The following NEK7 variants were observed in gnomAD, a reference collection of about 807,000 sequenced individuals.
NEK7 encodes the protein NIMA related kinase 7, also known as serine/threonine-protein kinase Nek7.
In NEK7, 18 loss-of-function variants were observed where a neutral mutation model predicts 44.6. The ratio of observed to expected loss-of-function variants is 0.40; its 90% CI spans 0.28 to 0.60. NEK7 has a LOEUF of 0.60. NEK7 is among the 20% of genes least tolerant of loss of function. The pLI is 0.38. For synonymous variants in NEK7, 130 were observed against 121.1 expected (o/e 1.07, Z -0.48); for missense variants, 256 against 366.5 (o/e 0.70, Z 2.46).
intron 9 of NEK7, among the ~76,000 whole-genome samples, chr1:198,311,702 GT>G (rs1655189227): frequency 6.6e-6 from 1 of 152,106 alleles, no homozygotes; most frequent in Non-Finnish European, 1.5e-5. Flanking sequence ...TAATCATGTG[GT>G]TTTTCTGTTT....
chr1:198,262,898 A>G (rs994805857), intron 4 of NEK7, among the ~76,000 whole-genome samples: 2 of 151,822 alleles, frequency 1.3e-5, no homozygotes, highest in African/African-American at 2.4e-5. Context: ...GGCATAAAAC[A>G]TTGAAGAATT....
chr1:198,289,819 T>C (rs1348802090), intron 7 of NEK7, among the ~76,000 whole-genome samples: 1 of 152,218 alleles, frequency 6.6e-6, no homozygotes, highest in East Asian at 1.9e-4. Flanking sequence ...GCAGAACTTC[T>C]AAATATCAGT....
chr1:198,306,461 G>T (rs369599725), intron 9 of NEK7, among the ~76,000 whole-genome samples: 1 of 151,994 alleles, frequency 6.6e-6, no homozygotes, highest in East Asian at 1.9e-4. Flanking sequence ...TTGTAAAAAT[G>T]GGTTTTTCTC....
In NEK7 at chr1:198,303,568, T is replaced by G. The variant is rs563340738; in HGVS notation, c.798+6328T>G. The stretch of plus-strand genomic sequence containing the variant: ...GTTAAATTAAGTTTATAAAACTTTT[T>G]TATTCATTTGAGCAGTCCAAATATT... On this transcript the variant is annotated intron_variant, in intron 9 of 9. Transcript: ENST00000367385. Among the ~76,000 whole-genome samples the G allele has an allele frequency of 3.3e-5, 5 of 152,258 alleles. No individual in the cohort carries two copies. In the East Asian group the frequency reaches 9.6e-4, roughly 29 times the overall value.
chr1:198,319,196 G>A (rs1013763028), intron 9 of NEK7, among the ~76,000 whole-genome samples: 4 of 152,136 alleles, frequency 2.6e-5, no homozygotes, highest in African/African-American at 9.7e-5. Flanking sequence ...CTTCTTGGTT[G>A]ACATTAATAC....
intron 1 of NEK7, among the ~76,000 whole-genome samples, chr1:198,203,415 G>A (rs1665496484): frequency 6.6e-6 from 1 of 152,168 alleles, no homozygotes. Flanking sequence ...TGCACCCCCA[G>A]GTACAGGAAT....
intron 2 of NEK7, among the ~76,000 whole-genome samples, chr1:198,251,607 G>T (rs534395198): frequency 1.3e-5 from 2 of 151,728 alleles, no homozygotes; most frequent in Non-Finnish European, 2.9e-5. Context: ...GTCTTGGGAG[G>T]GTGTATGTGT....
chr1:198,241,182 T>G (rs1666674693), intron 2 of NEK7, among the ~76,000 whole-genome samples: 1 of 152,234 alleles, frequency 6.6e-6, no homozygotes, highest in Non-Finnish European at 1.5e-5. Context: ...GGTATTTACA[T>G]TTAGGATACC....
intron 1 of NEK7, among the ~76,000 whole-genome samples, chr1:198,174,737 T>G (rs553110556): frequency 6.4e-4 from 97 of 150,618 alleles, no homozygotes; most frequent in African/African-American, 1.8e-3. Context: ...AAGCATTGTG[T>G]TTTTTTTTGT....
At chr1:198,185,190 ATTTTTTT>A (rs919588030) in intron 1 of NEK7, among the ~76,000 whole-genome samples, 8 of 83,844 alleles carry the variant, frequency 9.5e-5, no homozygotes, top group South Asian at 3.9e-4. Flanking sequence ...CATGCTGTCT[ATTTTTTT>A]TTTTTTTTTT....
At chr1:198,217,384 G>A (rs1665951577) in intron 1 of NEK7, among the ~76,000 whole-genome samples, 1 of 149,822 alleles carries the variant, frequency 6.7e-6, no homozygotes, top group Non-Finnish European at 1.5e-5. Flanking sequence ...TTTGATAAAA[G>A]CCAGCATCTC....
chr1:198,239,695 A>C (rs1267531472), intron 2 of NEK7, among the ~76,000 whole-genome samples: 1 of 152,030 alleles, frequency 6.6e-6, no homozygotes, highest in African/African-American at 2.4e-5. Flanking sequence ...ATGTTTTTTG[A>C]ATGGATAATC....
At chr1:198,256,467 A>G (rs1450296236) in intron 3 of NEK7, 4 of 1,599,162 alleles carry the variant, frequency 2.5e-6, no homozygotes, top group Non-Finnish European at 3.4e-6. Context: ...GTATCCCATC[A>G]TGGTTCATTT....
At chr1:198,202,481 C>T (rs1665461020) in intron 1 of NEK7, among the ~76,000 whole-genome samples, 1 of 152,200 alleles carries the variant, frequency 6.6e-6, no homozygotes, top group African/African-American at 2.4e-5. Flanking sequence ...TGGTGTTCCA[C>T]GTCCGTGTTC....
chr1:198,271,920 T>C (rs572826106), intron 5 of NEK7, among the ~76,000 whole-genome samples: 6,742 of 145,174 alleles, frequency 0.046, 189 homozygotes, highest in African/African-American at 0.083. Context: ...TATATATATA[T>C]ATATACACAC....
intron 7 of NEK7, among the ~76,000 whole-genome samples, chr1:198,290,999 C>G (rs185973865): frequency 3.9e-5 from 6 of 152,122 alleles, no homozygotes; most frequent in Non-Finnish European, 5.9e-5. Context: ...TCACTTGGGT[C>G]GTCCTTGAGT....
chr1:198,292,825 C>T lies in NEK7; in HGVS notation c.590-120C>T, dbSNP rs553983289. On this transcript the variant is annotated intron_variant, in intron 7 of 9. Transcript: ENST00000367385. The stretch of plus-strand genomic sequence containing the variant: ...TTTTAGTATTCTCAAAAACAGCTTT[C>T]GATCCTAATGAATTATTTTGGTGAT... The T allele has an allele frequency of 2.6e-3, 1,837 of 711,398 alleles. 5 individuals are homozygous for T. The highest frequency in any genetic ancestry group is 4.3e-3 in the Middle Eastern group (11 of 2,552). The allele number at this position is 711,398 out of a possible 1,614,324, so 44.1% of individuals were successfully genotyped here. A position where few individuals can be genotyped will look rare whatever the true frequency, so the allele number is the denominator to read the frequency against.
chr1:198,309,674 A>C (rs531601349), intron 9 of NEK7, among the ~76,000 whole-genome samples: 1 of 147,398 alleles, frequency 6.8e-6, no homozygotes, highest in Admixed American at 7.0e-5. Context: ...ATTCCCACCT[A>C]TGAGTGAGAA....
intron 1 of NEK7, among the ~76,000 whole-genome samples, chr1:198,189,097 C>T (rs1178870966): frequency 6.6e-6 from 1 of 152,054 alleles, no homozygotes; most frequent in African/African-American, 2.4e-5. Context: ...TAACAGTTTG[C>T]CTAGGAAATA....
Sources: gnomAD v4.1 joint callset for allele counts (sites outside exome capture counted in the v4.1 genomes callset) on GRCh38, gnomAD v4.1.1 for gene constraint, MANE v1.5 for transcripts, NCBI Gene and HGNC (gene_info 2026-07-23, HGNC 2026-07-21) for gene names.